DSCAML1: variants seen among roughly 807,000 people sequenced by gnomAD.
DSCAML1 encodes the protein DS cell adhesion molecule like 1.
DSCAML1 carries 38 observed loss-of-function variants against 200.5 expected under a neutral mutation model. That is an observed-to-expected ratio of 0.19 (90% CI 0.15 to 0.25). DSCAML1 has a LOEUF of 0.25. Among genes scored for constraint, DSCAML1 ranks in the 10% least tolerant of loss-of-function variants. DSCAML1 has a pLI of 1.00. For synonymous variants in DSCAML1, 1,215 were observed against 1,165.0 expected (o/e 1.04, Z -0.87); for missense variants, 2,223 against 2,858.8 (o/e 0.78, Z 5.07).
At chr11:117,609,640 C>G (rs2051647586) in intron 3 of DSCAML1, among the ~76,000 whole-genome samples, 1 of 152,140 alleles carries the variant, frequency 6.6e-6, no homozygotes, top group Non-Finnish European at 1.5e-5. Context: ...CTTATCAACT[C>G]TTTTTATTTG....
At chr11:117,492,492 G>T (rs1053075324) in intron 11 of DSCAML1, among the ~76,000 whole-genome samples, 1 of 152,166 alleles carries the variant, frequency 6.6e-6, no homozygotes, top group Non-Finnish European at 1.5e-5. Context: ...CAGGGAGCAG[G>T]GAGCCCGTGT....
intron 3 of DSCAML1, among the ~76,000 whole-genome samples, chr11:117,746,050 T>TAA (rs879883699): frequency 1.4e-5 from 2 of 139,766 alleles, no homozygotes; most frequent in African/African-American, 5.3e-5. Context: ...CTGTCTCTAC[T>TAA]AAAAAAAAAA....
In DSCAML1 at chr11:117,465,553, T is replaced by C. The variant is rs116505920; in HGVS notation, c.3025-371A>G. On this transcript the variant is annotated intron_variant, in intron 16 of 32. Transcript: ENST00000651296. ...CCCTGCCTCTCTCTGGCACTCCTTA[T>C]TTTTCTTCCCGGTTTATTTTCCTCC... is the stretch of plus-strand genomic sequence containing the variant. 2.3e-3 allele frequency among the ~76,000 whole-genome samples: 357 copies of C among 152,328 alleles called. 1 individual carries two copies. The highest frequency in any genetic ancestry group is 8.2e-3 in the African/African-American group (342 of 41,592).
At chr11:117,675,753 C>T (rs374046865) in intron 3 of DSCAML1, among the ~76,000 whole-genome samples, 5 of 152,032 alleles carry the variant, frequency 3.3e-5, no homozygotes, top group Admixed American at 1.3e-4. Flanking sequence ...TTCTTGTTGG[C>T]GTAAAGGCCG....
At chr11:117,672,444 T>C (rs1193618379) in intron 3 of DSCAML1, among the ~76,000 whole-genome samples, 1 of 152,134 alleles carries the variant, frequency 6.6e-6, no homozygotes, top group Non-Finnish European at 1.5e-5. Context: ...TTCACAAAAA[T>C]GCTGATGGCT....
At position 117,812,410 on chromosome 11, in the gene DSCAML1, T is replaced by C. The variant is rs2055768802; in HGVS notation, c.-250+4980A>G. On this transcript the variant is annotated intron_variant, in intron 1 of 2. Transcript: ENST00000525836. The stretch of plus-strand genomic sequence containing the variant: ...GCCTTACAAGTTAGTTCAGGATCTA[T>C]GCCTTATCAACCAAATTGTTTTGCC... Among the ~76,000 whole-genome samples, 4 of 152,270 alleles carry C rather than the reference T, an allele frequency of 2.6e-5. No homozygotes were observed. The South Asian group carries it at 8.3e-4, about 32-fold the overall frequency.
At chr11:117,797,216 TGCG>T, upstream of DSCAML1, 1 of 1,491,606 alleles carries the variant, frequency 6.7e-7, no homozygotes. Flanking sequence ...AGCGCTCGGC[TGCG>T]GCGGCGGCTC....
At chr11:117,729,713 T>A (rs955878516) in intron 3 of DSCAML1, among the ~76,000 whole-genome samples, 1 of 152,222 alleles carries the variant, frequency 6.6e-6, no homozygotes, top group African/African-American at 2.4e-5. Context: ...GAGATACCAC[T>A]TCACACCCCT....
At chr11:117,753,875 G>A (rs1450197503) in intron 3 of DSCAML1, among the ~76,000 whole-genome samples, 1 of 152,184 alleles carries the variant, frequency 6.6e-6, no homozygotes, top group Non-Finnish European at 1.5e-5. Context: ...CTCTGGACTA[G>A]GTTGTCACTA....
intron 27 of DSCAML1, 90 bp from the exon 28 acceptor site, chr11:117,433,561 A>C: frequency 7.0e-7 from 1 of 1,424,900 alleles, no homozygotes; most frequent in East Asian, 2.3e-5. Flanking sequence ...AAGGTGGAGA[A>C]TTCCTTAAAA....
chr11:117,787,371 G>C lies in DSCAML1; in HGVS notation c.47-6561C>G, dbSNP rs542608430. Among the ~76,000 whole-genome samples, 4 of 152,270 alleles carry C rather than the reference G, an allele frequency of 2.6e-5. No individual in the cohort carries two copies. The South Asian group carries it at 6.2e-4, about 24-fold the overall frequency. On this transcript the variant is annotated intron_variant, in intron 1 of 32. Coordinates refer to ENST00000651296, the MANE Select transcript of DSCAML1 (RefSeq NM_020693.4). ...TAGCAGGCAAGCAGTAAGTATTTGTGGGAAAAGTGAATCCTTGTGCAACAA... is the reference window on the plus strand; with the variant it reads ...TAGCAGGCAAGCAGTAAGTATTTGTCGGAAAAGTGAATCCTTGTGCAACAA...
intron 3 of DSCAML1, among the ~76,000 whole-genome samples, chr11:117,754,149 A>G (rs2054648032): frequency 6.6e-6 from 1 of 152,148 alleles, no homozygotes; most frequent in African/African-American, 2.4e-5. Context: ...AAGCCCCCAG[A>G]GCCTAGAGAT....
rs549093284 is a variant in DSCAML1, at chr11:117,787,652, T to C, written c.47-6842A>G. The stretch of plus-strand genomic sequence containing the variant: ...TACTTCCTTTCCCAACGACAGACAA[T>C]TGTCATCTGCTTGGCTGACAAGACC... On this transcript the variant is annotated intron_variant, in intron 1 of 32. Transcript: ENST00000651296. Among the ~76,000 whole-genome samples, 22 of 152,306 alleles carry C rather than the reference T, an allele frequency of 1.4e-4. No homozygotes were observed. In the South Asian group the frequency reaches 4.6e-3, roughly 32 times the overall value.
In DSCAML1 at chr11:117,780,217, G is replaced by GAGAGAGAA. The variant is rs10636580; in HGVS notation, c.364+275_364+276insTTCTCTCT. Reference sequence around the variant, plus strand: ...AAAGAAAGAGAAAGAAAGAGAGAGAGAGAAAGAAAGAAAGGAAAGAAAGAA... The same window carrying GAGAGAGAA: ...AAAGAAAGAGAAAGAAAGAGAGAGAGAGAGAGAAAGAAAGAAAGAAAGGAAAGAAAGAA... On this transcript the variant is annotated intron_variant, in intron 2 of 32. Transcript: ENST00000651296. The surrounding 1 kb of genome is among the most constrained non-coding windows in gnomAD (Gnocchi z 4.8). Among the ~76,000 whole-genome samples, 1 of 76,996 alleles carries GAGAGAGAA rather than the reference G, an allele frequency of 1.3e-5. No homozygotes were observed. Among genetic ancestry groups the GAGAGAGAA allele is most frequent in the African/African-American group, 4.9e-5 (1 of 20,288 alleles). 50.5% of individuals were successfully genotyped at this position (76,996 alleles called of 152,430 possible).
chr11:117,444,284 C>A (rs2048131926), intron 20 of DSCAML1, among the ~76,000 whole-genome samples: 2 of 152,208 alleles, frequency 1.3e-5, no homozygotes, highest in African/African-American at 4.8e-5. Context: ...ACCTCTTTAA[C>A]TGATCCACGC....
At chr11:117,708,133 G>A (rs2053786012) in intron 3 of DSCAML1, among the ~76,000 whole-genome samples, 2 of 152,104 alleles carry the variant, frequency 1.3e-5, no homozygotes, top group Admixed American at 6.5e-5. Context: ...CACACCATAG[G>A]ACAGTATGAC....
intron 8 of DSCAML1, among the ~76,000 whole-genome samples, chr11:117,509,987 C>T (rs200571724): frequency 1.6e-4 from 24 of 152,318 alleles, no homozygotes; most frequent in Non-Finnish European, 2.5e-4. Context: ...CTGCTCTGGC[C>T]ACAGTCATCT....
At chr11:117,656,544 T>TATCTATCTATCC (rs1382846140) in intron 3 of DSCAML1, among the ~76,000 whole-genome samples, 51 of 141,420 alleles carry the variant, frequency 3.6e-4, no homozygotes, top group African/African-American at 1.3e-3. Context: ...TCTATCTATC[T>TATCTATCTATCC]ATCCATCCAT....
intron 3 of DSCAML1, among the ~76,000 whole-genome samples, chr11:117,562,699 T>G (rs2050686605): frequency 6.6e-6 from 1 of 152,190 alleles, no homozygotes. Flanking sequence ...CGAATGAAGG[T>G]GCTTAACTTT....
Sources: allele counts gnomAD v4.1 joint callset (sites outside exome capture counted in the v4.1 genomes callset), GRCh38; gene constraint gnomAD v4.1.1; non-coding constraint Gnocchi (gnomAD v3.1); transcripts MANE v1.5; gene names NCBI Gene and HGNC (gene_info 2026-07-23, HGNC 2026-07-21).